ATP9B: variants seen among roughly 807,000 people sequenced by gnomAD.
ATP9B encodes probable phospholipid-transporting ATPase IIB.
Under a neutral mutation model 146.1 loss-of-function variants are expected in ATP9B, and 110 were observed. That is an observed-to-expected ratio of 0.75 (90% CI 0.65 to 0.88). The LOEUF is 0.88. Ranked by LOEUF, ATP9B falls within the 40% of genes least tolerant of loss-of-function variation. ATP9B has a pLI of 0.00. For missense variants in ATP9B, 1,499 were observed against 1,496.4 expected (o/e 1.00, Z -0.03); for synonymous variants, 604 against 569.7 (o/e 1.06, Z -0.86).
At chr18:79,330,494 C>T (rs979847819) in intron 17 of ATP9B, among the ~76,000 whole-genome samples, 1 of 151,670 alleles carries the variant, frequency 6.6e-6, no homozygotes, top group South Asian at 2.1e-4. Context: ...CTCTCTGCAA[C>T]CTGCACTTCC....
chr18:79,152,108 T>A (rs1258648830), intron 6 of ATP9B, among the ~76,000 whole-genome samples: 2 of 152,064 alleles, frequency 1.3e-5, no homozygotes, highest in African/African-American at 4.8e-5. Context: ...GAAAAGCAAA[T>A]TAAAACCACA....
intron 25 of ATP9B, among the ~76,000 whole-genome samples, chr18:79,348,522 GCT>G (rs971806673): frequency 1.9e-4 from 29 of 152,348 alleles, no homozygotes; most frequent in African/African-American, 7.0e-4. Flanking sequence ...GGCCCTCCCG[GCT>G]CTCTGCAGGC....
intron 1 of ATP9B, among the ~76,000 whole-genome samples, chr18:79,083,785 G>C (rs2073515935): frequency 1.3e-5 from 2 of 151,994 alleles, no homozygotes; most frequent in Admixed American, 1.3e-4. Flanking sequence ...ACCTCAGTTA[G>C]AAATGCAGAA....
At chr18:79,310,587 A>G (rs1015974890) in intron 15 of ATP9B, among the ~76,000 whole-genome samples, 11 of 152,162 alleles carry the variant, frequency 7.2e-5, no homozygotes, top group Non-Finnish European at 8.8e-5. Context: ...AATGTCATTC[A>G]TCTTTTTTTC....
Position 79,315,538 on chromosome 18 carries a change from G to A in ATP9B, c.1773+8304G>A, listed in dbSNP as rs979727854. On this transcript the variant is annotated intron_variant, in intron 15 of 29. Transcript: ENST00000426216. ...TTAAATTATGATGTACAAAGTGCATGGTAAGAAAATGTATATTTTTACAGT... is the reference window on the plus strand; with the variant it reads ...TTAAATTATGATGTACAAAGTGCATAGTAAGAAAATGTATATTTTTACAGT... Among the ~76,000 whole-genome samples, 4 of 152,236 alleles carry A rather than the reference G, an allele frequency of 2.6e-5. No homozygotes were observed. In the East Asian group the frequency reaches 7.7e-4, roughly 29 times the overall value.
rs929926863 is a variant in ATP9B at position 79,075,840 on chromosome 18, G to A, written c.119+6311G>A. 4.0e-5 allele frequency among the ~76,000 whole-genome samples: 6 copies of A among 151,446 alleles called. No individual in the cohort carries two copies. The South Asian group carries it at 6.3e-4, about 16-fold the overall frequency. Reference sequence around the variant, plus strand: ...TTTTTGCTTTCTGTTTTTGTTTCTCGGTTTTCTTTTTCCTGCCTTACGGAT... The same window carrying A: ...TTTTTGCTTTCTGTTTTTGTTTCTCAGTTTTCTTTTTCCTGCCTTACGGAT... On this transcript the variant is annotated intron_variant, in intron 1 of 29. Coordinates refer to ENST00000426216, the MANE Select transcript of ATP9B (RefSeq NM_198531.5).
chr18:79,298,743 C>G lies in ATP9B; in HGVS notation c.1412-4861C>G, dbSNP rs146261276. ...GGGGATTTTTCAATGGATACAGAAC[C>G]TAGAAGTTGGCCTTGCACCAAAGAG... On this transcript the variant is annotated intron_variant, in intron 13 of 29. Coordinates refer to ENST00000426216, the MANE Select transcript of ATP9B (RefSeq NM_198531.5). 6.6e-4 allele frequency among the ~76,000 whole-genome samples: 97 copies of G among 146,478 alleles called. 11 individuals are homozygous for G. In the East Asian group the frequency reaches 0.01, roughly 15 times the overall value.
chr18:79,341,689 C>T (rs1167166391), intron 19 of ATP9B, among the ~76,000 whole-genome samples: 2 of 133,194 alleles, frequency 1.5e-5, no homozygotes, highest in East Asian at 3.0e-4. Flanking sequence ...ATGTGTGTAG[C>T]GTGACCTTGT....
intron 10 of ATP9B, among the ~76,000 whole-genome samples, chr18:79,212,596 G>C (rs905158524): frequency 3.3e-5 from 5 of 152,154 alleles, no homozygotes; most frequent in African/African-American, 1.2e-4. Context: ...ATTTAAACTA[G>C]ATTGGCAAAA....
intron 2 of ATP9B, among the ~76,000 whole-genome samples, chr18:79,110,030 C>CCTATAG (rs1184226382): frequency 2.1e-4 from 32 of 152,248 alleles, no homozygotes; most frequent in African/African-American, 6.3e-4. Flanking sequence ...CAGTAGGTAA[C>CCTATAG]CTATAGCTAT....
Position 79,337,465 on chromosome 18 carries a change from C to T in ATP9B, c.2283+16C>T, listed in dbSNP as rs946414781. 3 of 1,602,758 alleles carry T rather than the reference C, an allele frequency of 1.9e-6. No homozygotes were observed. Among genetic ancestry groups the T allele is most frequent in the Admixed American group, 1.7e-5 (1 of 58,532 alleles). On this transcript the variant is annotated intron_variant, in intron 19 of 29. Transcript: ENST00000426216. ...CGGGATCAAGGTACTGCAGGCTCAC[C>T]TCTGCTGGCGCGCGCTGCTTTTGCT...
At chr18:79,273,636 T>C (rs2096278461) in intron 12 of ATP9B, among the ~76,000 whole-genome samples, 1 of 152,204 alleles carries the variant, frequency 6.6e-6, no homozygotes, top group Non-Finnish European at 1.5e-5. Context: ...GGGACTGGGT[T>C]CACCTGGTAG....
intron 15 of ATP9B, among the ~76,000 whole-genome samples, chr18:79,327,845 GCGTGCTCTC>G: frequency 1.9e-5 from 1 of 52,064 alleles, no homozygotes; most frequent in Non-Finnish European, 4.2e-5. Context: ...TCCGTGGTTA[GCGTGCTCTC>G]CATGGTTAGC....
At chr18:79,187,171 T>C (rs76371719) in intron 8 of ATP9B, among the ~76,000 whole-genome samples, 4,920 of 152,344 alleles carry the variant, frequency 0.032, 119 homozygotes, top group Non-Finnish European at 0.042. Context: ...GGGAAGCATC[T>C]TGTTCTGTGT....
At chr18:79,328,767 G>T (rs75518619) in intron 15 of ATP9B, among the ~76,000 whole-genome samples, 56 of 152,278 alleles carry the variant, frequency 3.7e-4, no homozygotes, top group Admixed American at 1.4e-3. Context: ...TGGAACTGGG[G>T]AGGGAGAAAC....
chr18:79,106,365 A>G (rs1488542504), intron 2 of ATP9B, among the ~76,000 whole-genome samples: 1 of 152,100 alleles, frequency 6.6e-6, no homozygotes, highest in East Asian at 1.9e-4. Flanking sequence ...TTTCCTTTTT[A>G]GCTCTACTAC....
At chr18:79,149,770 C>T (rs917256170) in intron 6 of ATP9B, among the ~76,000 whole-genome samples, 2 of 151,622 alleles carry the variant, frequency 1.3e-5, no homozygotes, top group African/African-American at 2.4e-5. Context: ...GACATTTTGA[C>T]AAAGATTTAC....
intron 12 of ATP9B, chr18:79,253,961 G>A (rs2096054929): frequency 6.5e-6 from 1 of 154,208 alleles, no homozygotes; most frequent in Non-Finnish European, 1.4e-5. Flanking sequence ...AAATATTAAG[G>A]CTGTGTTTTA....
chr18:79,225,260 T>C (rs1249480473), intron 11 of ATP9B, among the ~76,000 whole-genome samples: 2 of 152,258 alleles, frequency 1.3e-5, no homozygotes, highest in Non-Finnish European at 2.9e-5. Context: ...CCAAACGCTC[T>C]CTTTTACAAT....
Sources: gnomAD v4.1 joint callset for allele counts (sites outside exome capture counted in the v4.1 genomes callset) on GRCh38, gnomAD v4.1.1 for gene constraint, MANE v1.5 for transcripts, NCBI Gene and HGNC (gene_info 2026-07-23, HGNC 2026-07-21) for gene names.